The following RXFP2 variants were observed in gnomAD, a reference collection of about 807,000 sequenced individuals.
RXFP2 encodes relaxin family peptide receptor 2, also known as relaxin receptor 2.
RXFP2 carries 68 observed loss-of-function variants against 88.6 expected under a neutral mutation model. That is an observed-to-expected ratio of 0.77 (90% CI 0.63 to 0.94). The LOEUF is 0.94. Among genes scored for constraint, RXFP2 ranks in the 40% least tolerant of loss-of-function variants. The probability of loss-of-function intolerance (pLI) is 0.00; values close to 1 mark genes in which losing one functional copy is unlikely to be tolerated. For missense variants in RXFP2, 791 were observed against 893.9 expected (o/e 0.88, Z 1.47); for synonymous variants, 329 against 306.8 (o/e 1.07, Z -0.76).
chr13:31,758,550 C>G (rs970630532), intron 2 of RXFP2, 146 bp downstream of exon 2: 2 of 888,326 alleles, frequency 2.3e-6, no homozygotes. Context: ...TAATGACTCC[C>G]CAATGTATTT....
intron 16 of RXFP2, among the ~76,000 whole-genome samples, 190 bp downstream of exon 16, chr13:31,793,278 A>T (rs1292430243): frequency 6.6e-6 from 1 of 152,192 alleles, no homozygotes; most frequent in Non-Finnish European, 1.5e-5. Context: ...GACAATATTT[A>T]GTGTGGAAAA....
rs760891727 is a variant in RXFP2, at chr13:31,761,814, G to A, written c.319+13G>A. ...ACACAGGAGTGCTGTAAGTGGTTTT[G>A]ATTCAAAGACAGTATCAGCTTTGTG... On this transcript the variant is annotated intron_variant, in intron 3 of 17. Coordinates refer to ENST00000298386, the MANE Select transcript of RXFP2 (RefSeq NM_130806.5). The A allele has an allele frequency of 2.6e-6, 4 of 1,567,420 alleles. No individual in the cohort carries two copies. The South Asian group carries it at 4.4e-5, about 17-fold the overall frequency.
chr13:31,779,609 T>C (rs1291753494), intron 9 of RXFP2, among the ~76,000 whole-genome samples: 1 of 152,196 alleles, frequency 6.6e-6, no homozygotes, highest in Non-Finnish European at 1.5e-5. Flanking sequence ...CACCATTCCC[T>C]GCCACATACA....
chr13:31,795,153 C>T (rs1229135325), intron 16 of RXFP2, among the ~76,000 whole-genome samples: 1 of 143,958 alleles, frequency 6.9e-6, no homozygotes, highest in East Asian at 2.0e-4. Flanking sequence ...AGAGCATACA[C>T]TTTTTTTTTT....
intron 5 of RXFP2, among the ~76,000 whole-genome samples, chr13:31,767,066 A>G (rs989908720): frequency 6.6e-6 from 1 of 152,188 alleles, no homozygotes; most frequent in Non-Finnish European, 1.5e-5. Flanking sequence ...GTTTCTAGAA[A>G]TGTGAAATTT....
intron 1 of RXFP2, among the ~76,000 whole-genome samples, chr13:31,749,631 A>G (rs1310644335): frequency 2.0e-5 from 3 of 152,296 alleles, no homozygotes; most frequent in African/African-American, 7.2e-5. Flanking sequence ...TTTTTGTTAG[A>G]CTTATTCCTA....
intron 17 of RXFP2, among the ~76,000 whole-genome samples, chr13:31,801,184 G>C (rs536362423): frequency 6.6e-6 from 1 of 152,166 alleles, no homozygotes; most frequent in Admixed American, 6.5e-5. Context: ...AGGATGATGA[G>C]AGAAAGCATC....
In RXFP2 at chr13:31,782,622, C is replaced by T; in HGVS notation, c.858-54C>T. 15 of 1,314,640 alleles carry T rather than the reference C, an allele frequency of 1.1e-5. No individual in the cohort carries two copies. In the East Asian group the frequency reaches 3.2e-4, roughly 28 times the overall value. The allele number at this position is 1,314,640 out of a possible 1,614,324, so 81.4% of individuals were successfully genotyped here. A position where few individuals can be genotyped will look rare whatever the true frequency, so the allele number is the denominator to read the frequency against. On this transcript the variant is annotated intron_variant, in intron 10 of 17. Transcript: ENST00000298386. ...GATCAGTGGCCTCTCCCAATGAGAA[C>T]TGATTACTACAGCAGACGCAAACCC... is the stretch of plus-strand genomic sequence containing the variant.
chr13:31,786,283 T>A (rs1873534232), intron 11 of RXFP2, 100 bp from the exon 12 acceptor site: 6 of 926,638 alleles, frequency 6.5e-6, no homozygotes, highest in Non-Finnish European at 1.1e-5. Context: ...TGGATTCATA[T>A]TTTCTGTTAC....
At chr13:31,767,368 T>C (rs1489613106) in intron 5 of RXFP2, among the ~76,000 whole-genome samples, 1 of 152,194 alleles carries the variant, frequency 6.6e-6, no homozygotes, top group African/African-American at 2.4e-5. Flanking sequence ...GGAGTAGCTA[T>C]GCATTGGCTC....
intron 7 of RXFP2, among the ~76,000 whole-genome samples, chr13:31,775,686 T>C (rs903305122): frequency 6.6e-6 from 1 of 152,180 alleles, no homozygotes; most frequent in African/African-American, 2.4e-5. Flanking sequence ...TTGCTGAATG[T>C]CCCTTGGGAG....
intron 4 of RXFP2, among the ~76,000 whole-genome samples, chr13:31,765,479 T>A (rs950198322): frequency 2.0e-5 from 3 of 152,194 alleles, no homozygotes; most frequent in Admixed American, 2.0e-4. Context: ...ATTCTACGTT[T>A]TTTTTAACGT....
chr13:31,791,803 T>C lies in RXFP2; in HGVS notation c.1146-3T>C, dbSNP rs1165051824. On this transcript the variant is annotated splice_polypyrimidine_tract_variant and splice_region_variant and intron_variant, in intron 14 of 17. Transcript: ENST00000298386. ...GTGACACTTTTTTTCCCTTTGACTT[T>C]AGTTATTTCAAAAACTTTCGATACT... The C allele has an allele frequency of 4.4e-6, 7 of 1,608,836 alleles. No homozygotes were observed. The South Asian group carries it at 4.4e-5, about 10-fold the overall frequency.
intron 5 of RXFP2, among the ~76,000 whole-genome samples, chr13:31,774,062 C>T (rs1044439825): frequency 6.6e-6 from 1 of 152,330 alleles, no homozygotes; most frequent in African/African-American, 2.4e-5. Flanking sequence ...AGTCCTGATC[C>T]TATGACTTGA....
intron 15 of RXFP2, among the ~76,000 whole-genome samples, chr13:31,792,393 C>T (rs1371243119): frequency 6.6e-6 from 1 of 152,138 alleles, no homozygotes; most frequent in Non-Finnish European, 1.5e-5. Context: ...TATGAAGATA[C>T]TATATGTTAA....
At chr13:31,782,873 C>T in intron 11 of RXFP2, 126 bp downstream of exon 11, 1 of 680,200 alleles carries the variant, frequency 1.5e-6, no homozygotes, top group Non-Finnish European at 2.6e-6. Context: ...TATTAAAAAT[C>T]AATTAAGAAA....
At chr13:31,785,694 GTA>G (rs1873503049) in intron 11 of RXFP2, among the ~76,000 whole-genome samples, 1 of 151,984 alleles carries the variant, frequency 6.6e-6, no homozygotes, top group Non-Finnish European at 1.5e-5. Flanking sequence ...TTAGGCAACT[GTA>G]TATCTGTTTT....
chr13:31,770,439 T>C (rs147130727), intron 5 of RXFP2, among the ~76,000 whole-genome samples: 9 of 152,348 alleles, frequency 5.9e-5, no homozygotes, highest in Admixed American at 2.6e-4. Context: ...AGGGCTTTAA[T>C]TAATTTTGAT....
intron 16 of RXFP2, 42 bp downstream of exon 16, chr13:31,793,130 C>T: frequency 6.6e-7 from 1 of 1,516,102 alleles, no homozygotes; most frequent in Non-Finnish European, 9.1e-7. Flanking sequence ...CATAATTTTG[C>T]TAGAAATACG....
Sources: allele counts gnomAD v4.1 joint callset (sites outside exome capture counted in the v4.1 genomes callset), GRCh38; gene constraint gnomAD v4.1.1; transcripts MANE v1.5; gene names NCBI Gene and HGNC (gene_info 2026-07-23, HGNC 2026-07-21).